The following LPP variants were observed in gnomAD, a reference collection of about 807,000 sequenced individuals.
LPP encodes LIM domain containing preferred translocation partner in lipoma.
Under a neutral mutation model 60.4 loss-of-function variants are expected in LPP, and 38 were observed. That is an observed-to-expected ratio of 0.63 (90% CI 0.49 to 0.83). LPP has a LOEUF of 0.83. Among genes scored for constraint, LPP ranks in the 40% least tolerant of loss-of-function variants. The pLI is 0.00. For missense variants in LPP, 902 were observed against 783.6 expected, an observed-to-expected ratio of 1.15 and a Z score of -1.80; for synonymous variants, 328 against 290.8, an observed-to-expected ratio of 1.13 and a Z score of -1.30.
At chr3:188,155,566 A>T (rs1716042977) in intron 1 of LPP, among the ~76,000 whole-genome samples, 2 of 152,204 alleles carry the variant, frequency 1.3e-5, no homozygotes, top group African/African-American at 4.8e-5. Flanking sequence ...ATAGAAGAAT[A>T]GGTAAAGGTC....
chr3:188,288,808 T>TCCCC (rs1744918065), intron 2 of LPP, among the ~76,000 whole-genome samples: 1 of 52,020 alleles, frequency 1.9e-5, no homozygotes, highest in African/African-American at 1.6e-4. Context: ...TCTCTCTCTC[T>TCCCC]CCACCCCCCA....
At chr3:188,166,690 C>G in intron 1 of LPP, among the ~76,000 whole-genome samples, 1 of 152,196 alleles carries the variant, frequency 6.6e-6, no homozygotes, top group East Asian at 1.9e-4. Flanking sequence ...ATGCCAGATT[C>G]TTCCTGTTCC....
At position 188,380,691 on chromosome 3, in the gene LPP, GA is replaced by G. The variant is rs147199174; in HGVS notation, c.-9-25419del. On this transcript the variant is annotated intron_variant, in intron 3 of 11. Coordinates refer to ENST00000617246, the MANE Select transcript of LPP (RefSeq NM_001375462.1). ...ATTAAATTAAGGTTTAGTGGTCCATGAACCTCCTGAAATTGTTTGCAAAATT... is the reference window on the plus strand; with the variant it reads ...ATTAAATTAAGGTTTAGTGGTCCATGACCTCCTGAAATTGTTTGCAAAATT... Among the ~76,000 whole-genome samples the G allele has an allele frequency of 2.4e-3, 368 of 152,334 alleles. 2 individuals are homozygous for G. The highest frequency in any genetic ancestry group is 8.5e-3 in the African/African-American group (352 of 41,574).
chr3:188,497,998 A>G (rs528766248), intron 5 of LPP, among the ~76,000 whole-genome samples: 2 of 152,310 alleles, frequency 1.3e-5, no homozygotes, highest in African/African-American at 4.8e-5. Context: ...GATTTAAGCA[A>G]CAGTCCCAAC....
chr3:188,356,661 C>A (rs894623313), intron 3 of LPP, among the ~76,000 whole-genome samples: 2 of 152,160 alleles, frequency 1.3e-5, no homozygotes, highest in Non-Finnish European at 2.9e-5. Flanking sequence ...GGCAATAGTT[C>A]TTGGCTAACC....
chr3:188,302,943 G>C (rs1448514149), intron 2 of LPP, among the ~76,000 whole-genome samples: 1 of 152,180 alleles, frequency 6.6e-6, no homozygotes, highest in African/African-American at 2.4e-5. Context: ...ATTAAGAATG[G>C]AGATGGGGGT....
chr3:188,155,026 G>A (rs1333068401), intron 1 of LPP, among the ~76,000 whole-genome samples: 5 of 152,178 alleles, frequency 3.3e-5, no homozygotes. Flanking sequence ...CGAGGGAACC[G>A]TGGGCCAGAG....
At chr3:188,554,630 A>G (rs1258092639) in intron 6 of LPP, among the ~76,000 whole-genome samples, 1 of 152,318 alleles carries the variant, frequency 6.6e-6, no homozygotes, top group African/African-American at 2.4e-5. Flanking sequence ...TTAATAGTCT[A>G]TGACTCACAA....
At chr3:188,722,744 C>T (rs1048804997) in intron 8 of LPP, among the ~76,000 whole-genome samples, 3 of 152,034 alleles carry the variant, frequency 2.0e-5, no homozygotes, top group Admixed American at 2.0e-4. Flanking sequence ...GATAATTATC[C>T]CTATCTATTT....
chr3:188,416,347 C>T (rs1786269612), intron 4 of LPP, among the ~76,000 whole-genome samples: 1 of 152,138 alleles, frequency 6.6e-6, no homozygotes, highest in Non-Finnish European at 1.5e-5. Context: ...GTCCTAGGTC[C>T]CATCACAATT....
chr3:188,815,546 A>G (rs1752231414), intron 9 of LPP, among the ~76,000 whole-genome samples: 1 of 149,816 alleles, frequency 6.7e-6, no homozygotes, highest in Admixed American at 6.7e-5. Context: ...AAAAAAAAGA[A>G]AAAAAAAAAG....
intron 7 of LPP, among the ~76,000 whole-genome samples, chr3:188,662,499 C>A (rs1854808796): frequency 6.6e-6 from 1 of 152,082 alleles, no homozygotes; most frequent in African/African-American, 2.4e-5. Context: ...TGTTTTTATT[C>A]TTTAGAAAGG....
intron 7 of LPP, among the ~76,000 whole-genome samples, chr3:188,635,017 C>G (rs1848471154): frequency 6.6e-6 from 1 of 152,080 alleles, no homozygotes; most frequent in Non-Finnish European, 1.5e-5. Context: ...CCTTCTAGAT[C>G]TGGTTCTTGT....
rs1195756752 is a variant in LPP at position 188,182,568 on chromosome 3, A to G, written c.-190+28316A>G. ...GTTGTGATAGATAGAGGAGGGAGCA[A>G]ATATTTAATTAGCACCTGCTATGTG... On this transcript the variant is annotated intron_variant, in intron 1 of 11. Coordinates refer to ENST00000617246, the MANE Select transcript of LPP (RefSeq NM_001375462.1). The surrounding 1 kb of genome is among the most constrained non-coding windows in gnomAD (Gnocchi z 4.4). Among the ~76,000 whole-genome samples, 1 of 152,064 alleles carries G rather than the reference A, an allele frequency of 6.6e-6. No homozygotes were observed. Among genetic ancestry groups the G allele is most frequent in the Non-Finnish European group, 1.5e-5 (1 of 68,024 alleles).
At chr3:188,782,302 C>G (rs1321953346) in intron 9 of LPP, among the ~76,000 whole-genome samples, 1 of 152,154 alleles carries the variant, frequency 6.6e-6, no homozygotes, top group Admixed American at 6.5e-5. Flanking sequence ...TCTCAGGCAT[C>G]ATGTACCTGG....
chr3:188,602,177 T>A (rs6444311), intron 6 of LPP, among the ~76,000 whole-genome samples: 104,815 of 115,428 alleles, frequency 0.91, 48,094 homozygotes, highest in East Asian at 0.99. Flanking sequence ...ATATATATAT[T>A]ATATATATAT....
At chr3:188,782,750 AC>A (rs1295042517) in intron 9 of LPP, among the ~76,000 whole-genome samples, 1 of 151,396 alleles carries the variant, frequency 6.6e-6, no homozygotes, top group Non-Finnish European at 1.5e-5. Context: ...AAAAAAAAAA[AC>A]AAAACACAGC....
At position 188,526,537 on chromosome 3, in the gene LPP, C is replaced by T. The variant is rs576247642; in HGVS notation, c.429+1750C>T. On this transcript the variant is annotated intron_variant, in intron 6 of 11. Transcript: ENST00000617246. ...AACTCCTGACCTCAAGCGATCTGCC[C>T]GCCTTGGCCTCCCAAAGTACTGGGA... is the stretch of plus-strand genomic sequence containing the variant. Among the ~76,000 whole-genome samples, 9 of 152,248 alleles carry T rather than the reference C, an allele frequency of 5.9e-5. No homozygotes were observed. The South Asian group carries it at 1.2e-3, about 21-fold the overall frequency.
chr3:188,214,754 C>G (rs1712824506), intron 1 of LPP, among the ~76,000 whole-genome samples: 1 of 152,016 alleles, frequency 6.6e-6, no homozygotes, highest in South Asian at 2.1e-4. Context: ...AGAAGGAAAG[C>G]CTGGGGTGTT....
Sources: allele counts gnomAD v4.1 joint callset (sites outside exome capture counted in the v4.1 genomes callset), GRCh38; gene constraint gnomAD v4.1.1; non-coding constraint Gnocchi (gnomAD v3.1); transcripts MANE v1.5; gene names NCBI Gene and HGNC (gene_info 2026-07-23, HGNC 2026-07-21).